The following RNF125 variants were observed in gnomAD, a reference collection of about 807,000 sequenced individuals.
RNF125 encodes E3 ubiquitin-protein ligase RNF125.
RNF125 carries 21 observed loss-of-function variants against 26.0 expected under a neutral mutation model. The observed-to-expected ratio is 0.81, with a 90% CI of 0.57 to 1.16. The LOEUF is 1.16. RNF125 is among the 50% of genes most tolerant of loss of function. The probability of loss-of-function intolerance (pLI) is 0.00; values close to 1 mark genes in which losing one functional copy is unlikely to be tolerated. For missense variants in RNF125, 270 were observed against 299.4 expected (o/e 0.90, Z 0.72); for synonymous variants, 95 against 109.2 (o/e 0.87, Z 0.81).
intron 1 of RNF125, among the ~76,000 whole-genome samples, 153 bp from the exon 2 acceptor site, chr18:32,036,963 G>A (rs1191321068): frequency 6.6e-6 from 1 of 152,134 alleles, no homozygotes; most frequent in Non-Finnish European, 1.5e-5. Context: ...AGCAATTCTC[G>A]GGAAGTGCAG....
Position 32,037,272 on chromosome 18 carries a change from A to T in RNF125, c.318+3A>T. The T allele has an allele frequency of 6.6e-7, 1 of 1,509,358 alleles. No homozygotes were observed. The highest frequency in any genetic ancestry group is 8.9e-7 in the Non-Finnish European group (1 of 1,126,034). The allele number at this position is 1,509,358 out of a possible 1,614,324, so 93.5% of individuals were successfully genotyped here. A position where few individuals can be genotyped will look rare whatever the true frequency, so the allele number is the denominator to read the frequency against. ...ACTGCGCTGAGTGTGACACCCTGGT[A>T]TGTATGTGACCCCACCTATTTTCAT... On this transcript the variant is annotated splice_donor_region_variant and intron_variant, in intron 2 of 5. Transcript: ENST00000217740.
intron 4 of RNF125, among the ~76,000 whole-genome samples, chr18:32,047,641 A>G (rs2039284827): frequency 6.6e-6 from 1 of 152,164 alleles, no homozygotes; most frequent in African/African-American, 2.4e-5. Context: ...AGATTATTTT[A>G]TGTAGTATGT....
chr18:32,029,745 C>T (rs1404274986), intron 1 of RNF125, among the ~76,000 whole-genome samples: 1 of 152,096 alleles, frequency 6.6e-6, no homozygotes, highest in Non-Finnish European at 1.5e-5. Flanking sequence ...GGTGAATAAA[C>T]GGGGTCAGAG....
At chr18:32,034,805 C>T (rs1478611961) in intron 1 of RNF125, among the ~76,000 whole-genome samples, 1 of 149,184 alleles carries the variant, frequency 6.7e-6, no homozygotes, top group Non-Finnish European at 1.5e-5. Context: ...ATCCCAGCTA[C>T]TTGGGAGGCT....
intron 1 of RNF125, among the ~76,000 whole-genome samples, chr18:32,019,312 G>A (rs1334624740): frequency 6.6e-6 from 1 of 152,288 alleles, no homozygotes; most frequent in East Asian, 1.9e-4. Flanking sequence ...ATCCAGGCAC[G>A]GGTCCCGCCC....
rs1422858544 is a variant in RNF125, at chr18:32,061,309, C to A, written c.505-4593C>A. On this transcript the variant is annotated intron_variant, in intron 4 of 5. Transcript: ENST00000217740. ...AAAGTGCTGGGATTACAGGCGTGAG[C>A]CCCCGTGCCTGGCCTAAAATTCCAG... 2.0e-5 allele frequency among the ~76,000 whole-genome samples: 3 copies of A among 152,202 alleles called. No individual in the cohort carries two copies. The South Asian group carries it at 6.2e-4, about 31-fold the overall frequency.
chr18:32,083,183 T>A, the RNF125 span, among the ~76,000 whole-genome samples: 1 of 152,240 alleles, frequency 6.6e-6, no homozygotes, highest in Non-Finnish European at 1.5e-5. Flanking sequence ...TTGTGGTACA[T>A]AACAGGTGGT....
At chr18:32,063,545 A>G (rs62093944) in intron 4 of RNF125, among the ~76,000 whole-genome samples, 3,100 of 151,672 alleles carry the variant, frequency 0.02, 36 homozygotes, top group African/African-American at 0.029. Flanking sequence ...TATACTTATC[A>G]TATAACCAGG....
rs2039543629 is a variant in RNF125 at position 32,072,720 on chromosome 18, T to A, written c.*4336T>A. 6.6e-6 allele frequency: 1 copy of A among 152,198 alleles called. No individual in the cohort carries two copies. Among genetic ancestry groups the A allele is most frequent in the Non-Finnish European group, 1.5e-5 (1 of 68,026 alleles). 9.4% of individuals were successfully genotyped at this position (152,198 alleles called of 1,614,324 possible). On this transcript the variant is annotated 3_prime_UTR_variant, in exon 6 of 6. Coordinates refer to ENST00000217740, the MANE Select transcript of RNF125 (RefSeq NM_017831.4). Reference sequence around the variant, plus strand: ...AAGCTGTTGATTACCAACAAAAAAGTTTCACTCTCTTTATAGTGCTTCAGG... The same window carrying A: ...AAGCTGTTGATTACCAACAAAAAAGATTCACTCTCTTTATAGTGCTTCAGG...
intron 4 of RNF125, among the ~76,000 whole-genome samples, chr18:32,061,099 A>G (rs896729828): frequency 5.3e-5 from 8 of 152,048 alleles, no homozygotes; most frequent in Non-Finnish European, 1.2e-4. Flanking sequence ...ATCTCGGCTC[A>G]CTGCAAGCTC....
chr18:32,023,513 C>T (rs1385149424), intron 1 of RNF125, among the ~76,000 whole-genome samples: 1 of 152,140 alleles, frequency 6.6e-6, no homozygotes, highest in Admixed American at 6.6e-5. Flanking sequence ...ACCATATACA[C>T]AGGGTACCAG....
chr18:32,037,707 A>G (rs189416823), intron 2 of RNF125, among the ~76,000 whole-genome samples: 166 of 152,216 alleles, frequency 1.1e-3, no homozygotes, highest in African/African-American at 3.8e-3. Context: ...CTGTCTTACA[A>G]GAGGATTGTA....
rs34097443 is a variant in RNF125 at position 32,018,884 on chromosome 18, C to G, written c.21C>G (p.Thr7=). The G allele has an allele frequency of 5.7e-6, 9 of 1,591,666 alleles. No homozygotes were observed. The East Asian group carries it at 1.8e-4, about 32-fold the overall frequency. Residue 7 remains threonine, a synonymous_variant, in exon 1 of 6, where the codon ACC becomes ACG. Transcript: ENST00000217740. ...CAGCGATGGGCTCCGTGCTGAGCAC[C>G]GACAGCGGCAAATCGGCGCCCGCCT... MGSVLS[T]DSGKSAPASA...
the RNF125 span, among the ~76,000 whole-genome samples, chr18:32,088,611 T>C: frequency 6.6e-6 from 1 of 152,186 alleles, no homozygotes; most frequent in Non-Finnish European, 1.5e-5. Flanking sequence ...CAAGCCACTC[T>C]TCTGCCTCAG....
chr18:32,066,655 G>A (rs888498436), intron 5 of RNF125, among the ~76,000 whole-genome samples: 6 of 152,116 alleles, frequency 3.9e-5, no homozygotes, highest in African/African-American at 1.2e-4. Flanking sequence ...ATTTAACCTC[G>A]GAAACTCAGT....
chr18:32,061,014 T>C lies in RNF125; in HGVS notation c.505-4888T>C, dbSNP rs193294885. Among the ~76,000 whole-genome samples the C allele has an allele frequency of 6.6e-4, 101 of 152,134 alleles. 2 individuals are homozygous for C. The highest frequency in any genetic ancestry group is 2.1e-4 in the Non-Finnish European group (14 of 67,988). ...GTTTCAAAAACAAAACAAAACAAAATCTTGTTTGCTTAAAATTCTAGTTTT... is the reference window on the plus strand; with the variant it reads ...GTTTCAAAAACAAAACAAAACAAAACCTTGTTTGCTTAAAATTCTAGTTTT... On this transcript the variant is annotated intron_variant, in intron 4 of 5. Transcript: ENST00000217740.
At chr18:32,077,300 T>C (rs9962565), downstream of RNF125, among the ~76,000 whole-genome samples, 100,220 of 149,858 alleles carry the variant, frequency 0.67, 33,785 homozygotes, top group Admixed American at 0.75. Context: ...AGCCACTGCA[T>C]TCCAGCCTGG....
chr18:32,075,628 G>A (rs1296646706), downstream of RNF125, among the ~76,000 whole-genome samples: 2 of 146,086 alleles, frequency 1.4e-5, no homozygotes, highest in African/African-American at 5.1e-5. Context: ...GGGAGGTGGA[G>A]GTTGCAGTGA....
At chr18:32,082,002 T>A in the RNF125 span, among the ~76,000 whole-genome samples, 1 of 152,204 alleles carries the variant, frequency 6.6e-6, no homozygotes, top group Admixed American at 6.5e-5. Context: ...TTTCTGTATG[T>A]AAGTTTGAAA....
Sources: gnomAD v4.1 joint callset for allele counts (sites outside exome capture counted in the v4.1 genomes callset) on GRCh38, gnomAD v4.1.1 for gene constraint, MANE v1.5 for transcripts, NCBI Gene and HGNC (gene_info 2026-07-23, HGNC 2026-07-21) for gene names.